The following ATF7IP variants were observed in gnomAD, a reference collection of about 807,000 sequenced individuals.
The protein encoded by ATF7IP is activating transcription factor 7 interacting protein, also known as activating transcription factor 7-interacting protein 1.
Under a neutral mutation model 106.4 loss-of-function variants are expected in ATF7IP, and 23 were observed. That is an observed-to-expected ratio of 0.22 (90% CI 0.16 to 0.31). The LOEUF is 0.31. Ranked by LOEUF, ATF7IP falls within the 10% of genes least tolerant of loss-of-function variation. The probability of loss-of-function intolerance (pLI) is 1.00; values close to 1 mark genes in which losing one functional copy is unlikely to be tolerated. For missense variants in ATF7IP, 1,334 were observed against 1,524.3 expected (o/e 0.88, Z 2.08); for synonymous variants, 542 against 539.0 (o/e 1.01, Z -0.08).
intron 1 of ATF7IP, among the ~76,000 whole-genome samples, chr12:14,381,947 A>G (rs1939020194): frequency 2.0e-5 from 3 of 151,524 alleles, no homozygotes; most frequent in South Asian, 2.1e-4. Context: ...TTGAGATTGT[A>G]GCGCTCTTAT....
chr12:14,427,988 A>G (rs954335192), intron 2 of ATF7IP, among the ~76,000 whole-genome samples: 2 of 152,196 alleles, frequency 1.3e-5, no homozygotes, highest in African/African-American at 4.8e-5. Context: ...TGGAATGCCA[A>G]TAAAGAACTT....
intron 7 of ATF7IP, 127 bp from the exon 8 acceptor site, chr12:14,457,080 T>G: frequency 1.3e-6 from 1 of 745,166 alleles, no homozygotes; most frequent in Admixed American, 2.8e-5. Flanking sequence ...TTGCTTGCAG[T>G]TTAGGATTGT....
At chr12:14,373,017 G>T (rs1002993226) in intron 1 of ATF7IP, among the ~76,000 whole-genome samples, 3 of 152,244 alleles carry the variant, frequency 2.0e-5, no homozygotes, top group African/African-American at 7.2e-5. Context: ...GATGGAAAGG[G>T]AATCTGCTGT....
intron 5 of ATF7IP, among the ~76,000 whole-genome samples, chr12:14,443,255 A>T (rs150890758): frequency 2.0e-5 from 3 of 152,334 alleles, no homozygotes; most frequent in African/African-American, 7.2e-5. Flanking sequence ...GCTTTGCCAG[A>T]TAATTCTGAC....
chr12:14,498,256 T>C lies in ATF7IP; in HGVS notation c.*183T>C. 1 of 594,000 alleles carries C rather than the reference T, an allele frequency of 1.7e-6. No individual in the cohort carries two copies. The highest frequency in any genetic ancestry group is 2.6e-5 in the South Asian group (1 of 38,840). 36.8% of individuals were successfully genotyped at this position (594,000 alleles called of 1,614,324 possible). A position where few individuals can be genotyped will look rare whatever the true frequency, so the allele number is the denominator to read the frequency against. The stretch of plus-strand genomic sequence containing the variant: ...ACTCAGCCCACAAAGCTAGAATCTT[T>C]TCCTGGACAGTTTAGGCTTTGGGGT... On this transcript the variant is annotated 3_prime_UTR_variant, in exon 15 of 15. Transcript: ENST00000261168.
At chr12:14,437,909 C>T (rs896635196) in intron 4 of ATF7IP, among the ~76,000 whole-genome samples, 30 of 151,952 alleles carry the variant, frequency 2.0e-4, no homozygotes, top group African/African-American at 6.3e-4. Context: ...AAAAATTAGC[C>T]GGGCGTAGTG....
intron 1 of ATF7IP, among the ~76,000 whole-genome samples, chr12:14,392,455 G>A (rs1939611528): frequency 6.6e-6 from 1 of 152,214 alleles, no homozygotes. Flanking sequence ...TGCAAAGGCA[G>A]CATGGTAGAG....
chr12:14,422,258 T>C (rs1327080847), intron 1 of ATF7IP, among the ~76,000 whole-genome samples: 1 of 151,098 alleles, frequency 6.6e-6, no homozygotes, highest in African/African-American at 2.4e-5. Flanking sequence ...GTTCATACTT[T>C]AATAAGTGAA....
intron 13 of ATF7IP, 79 bp from the exon 14 acceptor site, chr12:14,496,152 T>C: frequency 1.1e-6 from 1 of 902,386 alleles, no homozygotes; most frequent in Non-Finnish European, 1.7e-6. Context: ...CTTCACTGCC[T>C]TCAAATATTT....
At chr12:14,419,793 A>G (rs537769870) in intron 1 of ATF7IP, among the ~76,000 whole-genome samples, 1 of 152,296 alleles carries the variant, frequency 6.6e-6, no homozygotes, top group African/African-American at 2.4e-5. Context: ...GTATTATTAT[A>G]TATACATTTT....
intron 10 of ATF7IP, among the ~76,000 whole-genome samples, chr12:14,475,157 G>A (rs1372137149): frequency 6.6e-6 from 1 of 152,058 alleles, no homozygotes; most frequent in Non-Finnish European, 1.5e-5. Context: ...CATATATGGT[G>A]TTAAGCACCT....
intron 6 of ATF7IP, among the ~76,000 whole-genome samples, chr12:14,450,931 A>G (rs2136680085): frequency 6.6e-6 from 1 of 152,098 alleles, no homozygotes; most frequent in South Asian, 2.1e-4. Context: ...CTGCACCACC[A>G]CGTCTGGCTA....
chr12:14,455,220 A>G (rs1330597727), intron 6 of ATF7IP, among the ~76,000 whole-genome samples: 5 of 151,476 alleles, frequency 3.3e-5, no homozygotes, highest in African/African-American at 1.2e-4. Flanking sequence ...CAATGTGCTT[A>G]AAGATGCATT....
chr12:14,447,191 C>A, intron 6 of ATF7IP, 138 bp downstream of exon 6: 1 of 471,500 alleles, frequency 2.1e-6, no homozygotes, highest in Non-Finnish European at 3.7e-6. Context: ...ATTTCTGGAT[C>A]TTCAGCCCTA....
chr12:14,400,701 C>G (rs903533033), intron 1 of ATF7IP, among the ~76,000 whole-genome samples: 2 of 152,016 alleles, frequency 1.3e-5, no homozygotes, highest in Admixed American at 1.3e-4. Context: ...CTTAAAGGTC[C>G]TTTGCTGTGT....
intron 13 of ATF7IP, among the ~76,000 whole-genome samples, chr12:14,493,737 T>C (rs906390758): frequency 4.6e-5 from 7 of 152,140 alleles, no homozygotes; most frequent in African/African-American, 1.4e-4. Flanking sequence ...AGGCTGTGCA[T>C]GTATCTTTCA....
At chr12:14,475,834 T>A (rs1944243999) in intron 10 of ATF7IP, 56 bp from the exon 11 acceptor site, 2 of 1,420,356 alleles carry the variant, frequency 1.4e-6, no homozygotes, top group South Asian at 2.5e-5. Context: ...TCTCATTTTT[T>A]AACACGTATA....
intron 1 of ATF7IP, among the ~76,000 whole-genome samples, chr12:14,366,055 C>A (rs749924288): frequency 2.0e-5 from 3 of 152,186 alleles, no homozygotes; most frequent in Non-Finnish European, 4.4e-5. Context: ...TATTCATTTT[C>A]AAGATCTAAT....
chr12:14,449,447 G>A (rs1028191315), intron 6 of ATF7IP, among the ~76,000 whole-genome samples: 1 of 151,968 alleles, frequency 6.6e-6, no homozygotes, highest in African/African-American at 2.4e-5. Flanking sequence ...TCATTTGACC[G>A]TATATGTGAG....
Sources: allele counts gnomAD v4.1 joint callset (sites outside exome capture counted in the v4.1 genomes callset), GRCh38; gene constraint gnomAD v4.1.1; transcripts MANE v1.5; gene names NCBI Gene and HGNC (gene_info 2026-07-23, HGNC 2026-07-21).